Variants in SAMD12 observed in about 807,000 individuals in gnomAD.
The protein encoded by SAMD12 is sterile alpha motif domain-containing protein 12.
A neutral mutation model predicts 15.0 loss-of-function variants in SAMD12; 9 were observed. The observed-to-expected ratio is 0.60, with a 90% CI of 0.36 to 1.05. The LOEUF (loss-of-function observed/expected upper bound fraction) is 1.05, where lower values mean the gene tolerates loss of function less well. Among genes scored for constraint, SAMD12 ranks in the 50% least tolerant of loss-of-function variants. The pLI is 0.01. For synonymous variants in SAMD12, 86 were observed against 90.1 expected (o/e 0.96, Z 0.25); for missense variants, 230 against 234.2 (o/e 0.98, Z 0.12).
chr8:118,229,799 C>T (rs1397227181), intron 4 of SAMD12, among the ~76,000 whole-genome samples: 5 of 152,204 alleles, frequency 3.3e-5, no homozygotes, highest in Admixed American at 2.0e-4. Context: ...AAGACTTCCC[C>T]GGAATGAGAG....
chr8:118,203,834 T>C (rs942971472), intron 4 of SAMD12, among the ~76,000 whole-genome samples: 1 of 150,942 alleles, frequency 6.6e-6, no homozygotes, highest in Non-Finnish European at 1.5e-5. Flanking sequence ...ATGCGGTGTT[T>C]GGTTTTTTGT....
chr8:118,588,104 C>A (rs553096823), intron 1 of SAMD12, among the ~76,000 whole-genome samples: 3 of 152,096 alleles, frequency 2.0e-5, no homozygotes, highest in African/African-American at 7.2e-5. Flanking sequence ...CTCTGAAGAC[C>A]TGAGGATGAA....
At chr8:118,536,084 T>G (rs1302955260) in intron 2 of SAMD12, among the ~76,000 whole-genome samples, 2 of 152,218 alleles carry the variant, frequency 1.3e-5, no homozygotes, top group Non-Finnish European at 2.9e-5. Context: ...TCGGCCATCT[T>G]GGAACCTCCC....
chr8:118,191,390 C>T (rs554415395), exon 5 of SAMD12: 2 of 152,040 alleles, frequency 1.3e-5, no homozygotes, highest in Non-Finnish European at 2.9e-5. Flanking sequence ...CCCTTTTACC[C>T]CCAGTGAGGG....
intron 2 of SAMD12, among the ~76,000 whole-genome samples, chr8:118,496,652 T>C (rs1387114311): frequency 2.0e-5 from 3 of 152,144 alleles, no homozygotes; most frequent in African/African-American, 4.8e-5. Flanking sequence ...ATTCTGGACA[T>C]AGGCCTTGGC....
chr8:118,244,186 G>T (rs1812636074), intron 4 of SAMD12, among the ~76,000 whole-genome samples: 3 of 152,096 alleles, frequency 2.0e-5, no homozygotes, highest in Admixed American at 2.0e-4. Flanking sequence ...ATATATAAAG[G>T]TGCTAATTCA....
chr8:118,619,983 G>T (rs1828350967), intron 1 of SAMD12, among the ~76,000 whole-genome samples: 1 of 152,156 alleles, frequency 6.6e-6, no homozygotes, highest in Non-Finnish European at 1.5e-5. Context: ...ACCTCATTGT[G>T]ATTCAAACTC....
At chr8:118,370,942 A>ACT (rs1213637892) in intron 4 of SAMD12, among the ~76,000 whole-genome samples, 1 of 68,804 alleles carries the variant, frequency 1.5e-5, no homozygotes, top group Non-Finnish European at 2.8e-5. Context: ...TGGAACTTAA[A>ACT]TAAAATTTTT....
chr8:118,276,145 A>G (rs1198872036), intron 4 of SAMD12, among the ~76,000 whole-genome samples: 1 of 152,226 alleles, frequency 6.6e-6, no homozygotes, highest in Non-Finnish European at 1.5e-5. Flanking sequence ...AGTTGTTGGA[A>G]TAGTGTTCCA....
chr8:118,392,409 G>T (rs577226858), intron 3 of SAMD12, among the ~76,000 whole-genome samples: 1 of 152,152 alleles, frequency 6.6e-6, no homozygotes, highest in African/African-American at 2.4e-5. Context: ...CCAGCCTGGC[G>T]ACAGAACGAG....
downstream of SAMD12, among the ~76,000 whole-genome samples, chr8:118,185,665 C>T (rs1016364679): frequency 4.0e-4 from 61 of 152,164 alleles, no homozygotes; most frequent in African/African-American, 1.4e-3. Flanking sequence ...CTATTCCAAA[C>T]CCCTAATATT....
chr8:118,132,015 A>C, the SAMD12 span, among the ~76,000 whole-genome samples: 1 of 152,212 alleles, frequency 6.6e-6, no homozygotes, highest in Non-Finnish European at 1.5e-5. Flanking sequence ...ATCCATTATC[A>C]AGTGATAATC....
rs143433102 is a variant in SAMD12 at position 118,278,894 on chromosome 8, T to C, written c.434-81162A>G. Among the ~76,000 whole-genome samples the C allele has an allele frequency of 6.5e-3, 989 of 152,298 alleles. 12 individuals carry two copies. The highest frequency in any genetic ancestry group is 0.023 in the African/African-American group (939 of 41,566). On this transcript the variant is annotated intron_variant, in intron 4 of 4. Coordinates refer to the SAMD12 transcript ENST00000409003. ...TATTTGCAAAGTGGCTCATATAAGA[T>C]GTTGTCATACTCGAGGTGATAAAAG... is the stretch of plus-strand genomic sequence containing the variant.
chr8:118,333,258 T>C (rs1313205425), intron 4 of SAMD12, among the ~76,000 whole-genome samples: 2 of 152,104 alleles, frequency 1.3e-5, no homozygotes, highest in African/African-American at 4.8e-5. Context: ...CTGTGCACAG[T>C]TGAGATTTTT....
At chr8:118,184,039 A>G in the SAMD12 span, among the ~76,000 whole-genome samples, 12 of 152,366 alleles carry the variant, frequency 7.9e-5, no homozygotes, top group East Asian at 2.3e-3. Context: ...TATTTGACCC[A>G]TAGTAAGCAC....
At chr8:118,468,876 T>C (rs949750538) in intron 2 of SAMD12, among the ~76,000 whole-genome samples, 1 of 152,242 alleles carries the variant, frequency 6.6e-6, no homozygotes, top group Non-Finnish European at 1.5e-5. Flanking sequence ...ATTTTGCTGA[T>C]GACTAACGAG....
At chr8:118,255,743 C>A (rs1247442049) in intron 4 of SAMD12, among the ~76,000 whole-genome samples, 1 of 151,860 alleles carries the variant, frequency 6.6e-6, no homozygotes, top group Non-Finnish European at 1.5e-5. Flanking sequence ...TTTTCTTAAT[C>A]CAGTCTATCA....
chr8:118,273,562 A>G (rs1813413129), intron 4 of SAMD12, among the ~76,000 whole-genome samples: 1 of 152,228 alleles, frequency 6.6e-6, no homozygotes, highest in Admixed American at 6.5e-5. Flanking sequence ...AGCTGGTTAA[A>G]CAGCTTAAGA....
chr8:118,415,449 GT>G (rs1563842914), intron 3 of SAMD12, among the ~76,000 whole-genome samples: 2 of 818 alleles, frequency 2.4e-3, no homozygotes, highest in Non-Finnish European at 0.012. Context: ...TTGTCCTAAG[GT>G]GTGTGTGTGT....
Sources: gnomAD v4.1 joint callset for allele counts (sites outside exome capture counted in the v4.1 genomes callset) on GRCh38, gnomAD v4.1.1 for gene constraint, MANE v1.5 for transcripts, NCBI Gene and HGNC (gene_info 2026-07-23, HGNC 2026-07-21) for gene names.